The following EFCAB5 variants were observed in gnomAD, a reference collection of about 807,000 sequenced individuals.
The protein encoded by EFCAB5 is EF-hand calcium-binding domain-containing protein 5.
In EFCAB5, 131 loss-of-function variants were observed where a neutral mutation model predicts 167.9. The ratio of observed to expected loss-of-function variants is 0.78; its 90% CI spans 0.68 to 0.90. The LOEUF (loss-of-function observed/expected upper bound fraction) is 0.90. Among genes scored for constraint, EFCAB5 ranks in the 40% least tolerant of loss-of-function variants. EFCAB5 has a pLI of 0.00. For synonymous variants in EFCAB5, 574 were observed against 602.8 expected (o/e 0.95, Z 0.70); for missense variants, 1,663 against 1,745.2 (o/e 0.95, Z 0.84).
chr17:30,080,355 C>A, intron 16 of EFCAB5, 114 bp downstream of exon 16: 1 of 1,145,572 alleles, frequency 8.7e-7, no homozygotes, highest in Non-Finnish European at 1.2e-6. Context: ...CCTCAAGTCA[C>A]CAGTGCTTCT....
At chr17:30,029,346 G>T (rs2069415753) in intron 7 of EFCAB5, among the ~76,000 whole-genome samples, 1 of 152,156 alleles carries the variant, frequency 6.6e-6, no homozygotes, top group Non-Finnish European at 1.5e-5. Context: ...TTAGCCTACA[G>T]TCGCAAAATC....
At chr17:29,950,780 G>T (rs1162101456) in intron 3 of EFCAB5, 1 of 152,178 alleles carries the variant, frequency 6.6e-6, no homozygotes, top group Non-Finnish European at 1.5e-5. Context: ...AACTGCTTAT[G>T]TTTTCAGTAA....
chr17:29,957,912 A>G (rs542331652), intron 3 of EFCAB5, among the ~76,000 whole-genome samples: 1 of 152,322 alleles, frequency 6.6e-6, no homozygotes, highest in South Asian at 2.1e-4. Context: ...GAATCACCAC[A>G]CTGTCTTCCA....
intron 3 of EFCAB5, chr17:29,968,502 A>G (rs963709113): frequency 1.4e-5 from 5 of 360,996 alleles, no homozygotes; most frequent in African/African-American, 8.8e-5. Flanking sequence ...TGGAGCTCTA[A>G]TAGTCGTCAT....
intron 3 of EFCAB5, among the ~76,000 whole-genome samples, chr17:29,963,170 G>T (rs554736055): frequency 2.1e-4 from 32 of 152,160 alleles, no homozygotes; most frequent in Admixed American, 3.3e-4. Context: ...TTGAACTCCT[G>T]GACTCAAGCA....
rs200424980 is a variant in EFCAB5 at position 30,096,652 on chromosome 17, CATATAT to C, written c.4321+3737_4321+3742del. Among the ~76,000 whole-genome samples the C allele has an allele frequency of 1.5e-3, 143 of 93,552 alleles. 2 individuals carry two copies. Among genetic ancestry groups the C allele is most frequent in the Middle Eastern group, 7.5e-3 (1 of 134 alleles). 61.4% of individuals were successfully genotyped at this position (93,552 alleles called of 152,430 possible). ...TTAAAACTGTCTTTTATCCTGAAAGCATATATATATATATATATATATATATTTTTT... is the reference window on the plus strand; with the variant it reads ...TTAAAACTGTCTTTTATCCTGAAAGCATATATATATATATATATATTTTTT... On this transcript the variant is annotated intron_variant, in intron 22 of 22. Coordinates refer to ENST00000394835, the MANE Select transcript of EFCAB5 (RefSeq NM_198529.4).
chr17:29,952,895 T>TA (rs1038770766), intron 3 of EFCAB5, among the ~76,000 whole-genome samples: 15 of 152,222 alleles, frequency 9.9e-5, no homozygotes, highest in South Asian at 4.2e-4. Context: ...TAAGTAAGGT[T>TA]AAAAAAACTG....
At chr17:29,965,014 G>A in intron 3 of EFCAB5, among the ~76,000 whole-genome samples, 1 of 150,866 alleles carries the variant, frequency 6.6e-6, no homozygotes, top group Non-Finnish European at 1.5e-5. Context: ...CCATTCTCCT[G>A]CCTCAGCCTG....
At chr17:30,018,298 G>C (rs2069096841) in intron 7 of EFCAB5, among the ~76,000 whole-genome samples, 1 of 151,846 alleles carries the variant, frequency 6.6e-6, no homozygotes, top group Non-Finnish European at 1.5e-5. Context: ...AAAGAAAACA[G>C]AAAACAGAAA....
At chr17:29,983,159 C>T (rs966359965) in intron 4 of EFCAB5, among the ~76,000 whole-genome samples, 1 of 152,188 alleles carries the variant, frequency 6.6e-6, no homozygotes, top group Non-Finnish European at 1.5e-5. Context: ...TAAGATGAAA[C>T]CTTTCAATGA....
intron 14 of EFCAB5, among the ~76,000 whole-genome samples, chr17:30,060,495 C>T (rs916560248): frequency 7.9e-5 from 12 of 152,108 alleles, no homozygotes. Flanking sequence ...TTTTTCTCTT[C>T]ACTGGGTTTA....
intron 14 of EFCAB5, among the ~76,000 whole-genome samples, chr17:30,064,891 G>A (rs2070519654): frequency 6.6e-6 from 1 of 152,042 alleles, no homozygotes; most frequent in African/African-American, 2.4e-5. Context: ...TTAAAGGCCA[G>A]AACAGAATGG....
intron 4 of EFCAB5, among the ~76,000 whole-genome samples, chr17:29,985,718 A>G (rs2068267494): frequency 6.6e-6 from 1 of 152,194 alleles, no homozygotes; most frequent in Admixed American, 6.5e-5. Context: ...GGAACGCCTT[A>G]GGTGGTTTTC....
chr17:29,938,173 C>T (rs2067261430), upstream of EFCAB5, among the ~76,000 whole-genome samples: 1 of 151,626 alleles, frequency 6.6e-6, no homozygotes, highest in African/African-American at 2.4e-5. Flanking sequence ...ATAAAGAGAA[C>T]ATCACAATAA....
chr17:29,936,241 G>T (rs2067244608), intron 1 of EFCAB5, among the ~76,000 whole-genome samples: 1 of 152,074 alleles, frequency 6.6e-6, no homozygotes, highest in South Asian at 2.1e-4. Flanking sequence ...TCACTCATAG[G>T]TGGGAATTGA....
At chr17:30,032,808 T>C (rs957724188) in intron 7 of EFCAB5, among the ~76,000 whole-genome samples, 1 of 152,206 alleles carries the variant, frequency 6.6e-6, no homozygotes, top group African/African-American at 2.4e-5. Flanking sequence ...ACCTATCTTA[T>C]GTCAATTTAA....
At chr17:29,992,827 T>C (rs373367854) in intron 4 of EFCAB5, among the ~76,000 whole-genome samples, 2 of 152,370 alleles carry the variant, frequency 1.3e-5, no homozygotes, top group East Asian at 3.9e-4. Context: ...TGCTGGATCA[T>C]GTAGTAATTC....
chr17:30,095,578 C>T (rs2071276788), intron 22 of EFCAB5, among the ~76,000 whole-genome samples: 1 of 152,194 alleles, frequency 6.6e-6, no homozygotes, highest in Non-Finnish European at 1.5e-5. Flanking sequence ...CTCCCTGCAA[C>T]TCCATTACAA....
chr17:29,994,342 G>A (rs972231870), intron 5 of EFCAB5, among the ~76,000 whole-genome samples: 4 of 151,602 alleles, frequency 2.6e-5, no homozygotes, highest in African/African-American at 9.7e-5. Context: ...GAATGAGAAA[G>A]TATAGAGGAT....
Sources: gnomAD v4.1 joint callset for allele counts (sites outside exome capture counted in the v4.1 genomes callset) on GRCh38, gnomAD v4.1.1 for gene constraint, MANE v1.5 for transcripts, NCBI Gene and HGNC (gene_info 2026-07-23, HGNC 2026-07-21) for gene names.